Variants in NLRP11 observed in about 807,000 individuals in gnomAD.
The protein encoded by NLRP11 is NACHT, LRR and PYD domains-containing protein 11.
In NLRP11, 53 loss-of-function variants were observed where a neutral mutation model predicts 79.3. That is an observed-to-expected ratio of 0.67 (90% confidence interval 0.54 to 0.84). The LOEUF is 0.84. Ranked by LOEUF, NLRP11 falls within the 40% of genes least tolerant of loss-of-function variation. NLRP11 has a pLI of 0.00. For synonymous variants in NLRP11, 518 were observed against 462.6 expected (o/e 1.12, Z -1.54); for missense variants, 1,264 against 1,255.0 (o/e 1.01, Z -0.11).
intron 1 of NLRP11, among the ~76,000 whole-genome samples, chr19:55,821,205 T>TCACACA (rs950312294): frequency 6.8e-4 from 58 of 85,228 alleles, no homozygotes; most frequent in South Asian, 3.0e-3. Context: ...TCTCTCTCTC[T>TCACACA]CACACACACA....
intron 7 of NLRP11, 139 bp downstream of exon 7, chr19:55,792,162 C>T: frequency 1.4e-6 from 1 of 697,754 alleles, no homozygotes; most frequent in Non-Finnish European, 2.5e-6. Flanking sequence ...TTCATGTCGC[C>T]TATTCTGGGG....
At chr19:55,830,826 A>G (rs1032251537) in intron 1 of NLRP11, among the ~76,000 whole-genome samples, 1 of 152,256 alleles carries the variant, frequency 6.6e-6, no homozygotes, top group Non-Finnish European at 1.5e-5. Flanking sequence ...ACAGCATTGC[A>G]CGTCCCAAGT....
chr19:55,831,373 A>G (rs1015849655), intron 1 of NLRP11, among the ~76,000 whole-genome samples: 6 of 151,444 alleles, frequency 4.0e-5, no homozygotes, highest in Non-Finnish European at 7.4e-5. Context: ...ACCAGCCTAG[A>G]CAACATGGCG....
Position 55,809,657 on chromosome 19 carries a change from C to G in NLRP11, c.953G>C (p.Arg318Thr), listed in dbSNP as rs1266644252. ...TACAAGCTGGAGGGCTGCCGACGCC[C>G]TCTGGCGGTCTTTAAAGAAAGAGTT... Residue 318 changes from arginine (R) to threonine (T), a missense_variant, in exon 3 of 10, where the codon AGG becomes ACG. Coordinates refer to ENST00000589093, the Ensembl canonical transcript of NLRP11. The surrounding 1 kb of genome is among the most constrained non-coding windows in gnomAD (Gnocchi z 4.5). The G allele has an allele frequency of 1.2e-6, 2 of 1,613,936 alleles. No homozygotes were observed. Among genetic ancestry groups the G allele is most frequent in the Non-Finnish European group, 1.7e-6 (2 of 1,179,936 alleles).
At chr19:55,833,693 G>A (rs1185023917), upstream of NLRP11, among the ~76,000 whole-genome samples, 3 of 150,302 alleles carry the variant, frequency 2.0e-5, no homozygotes, top group Non-Finnish European at 4.4e-5. Flanking sequence ...ACTTGAGCCC[G>A]GGAGGAGGAG....
intron 1 of NLRP11, among the ~76,000 whole-genome samples, chr19:55,824,228 C>A (rs1333522692): frequency 1.4e-5 from 2 of 146,014 alleles, no homozygotes; most frequent in Non-Finnish European, 3.0e-5. Flanking sequence ...GATTTTGTCA[C>A]CACCAGGCCT....
At chr19:55,829,493 T>G (rs1259931804) in intron 1 of NLRP11, among the ~76,000 whole-genome samples, 1 of 151,628 alleles carries the variant, frequency 6.6e-6, no homozygotes, top group Non-Finnish European at 1.5e-5. Flanking sequence ...CAGTGAAGCC[T>G]TGTCTCTACT....
chr19:55,788,902 T>C, exon 9 of NLRP11: 1 of 1,613,998 alleles, frequency 6.2e-7, no homozygotes, highest in South Asian at 1.1e-5. Flanking sequence ...AGTTGAGTCT[T>C]TCTAGTGTTT....
chr19:55,801,643 G>A (rs775412440), exon 5 of NLRP11: 1 of 1,613,892 alleles, frequency 6.2e-7, no homozygotes, highest in Non-Finnish European at 8.5e-7. Context: ...TTAGGGAAAT[G>A]GACGTACAGT....
intron 5 of NLRP11, among the ~76,000 whole-genome samples, chr19:55,797,993 A>ATTTTTTTTTTTTTTTTT (rs200637929): frequency 7.3e-6 from 1 of 136,972 alleles, no homozygotes; most frequent in Non-Finnish European, 1.6e-5. Context: ...ATTCTATATT[A>ATTTTTTTTTTTTTTTTT]TTATTATTTT....
intron 1 of NLRP11, among the ~76,000 whole-genome samples, chr19:55,821,236 CACACACACA>C (rs1419848806): frequency 4.9e-5 from 6 of 122,370 alleles, no homozygotes; most frequent in Non-Finnish European, 9.7e-5. Flanking sequence ...CACACACACA[CACACACACA>C]CACACCCCAA....
At chr19:55,832,891 T>C (rs1311945784), upstream of NLRP11, 1 of 152,184 alleles carries the variant, frequency 6.6e-6, no homozygotes, top group Non-Finnish European at 1.5e-5. Flanking sequence ...ATAGTGCACC[T>C]GTTCACTGGG....
chr19:55,832,763 G>T (rs1018661366), upstream of NLRP11: 1 of 152,056 alleles, frequency 6.6e-6, no homozygotes, highest in Non-Finnish European at 1.5e-5. Context: ...CCCAGTAAAG[G>T]GTTCCAAAAA....
At chr19:55,789,094 C>G in intron 8 of NLRP11, 117 bp from the exon 9 acceptor site, 2 of 1,398,280 alleles carry the variant, frequency 1.4e-6, no homozygotes, top group Non-Finnish European at 9.9e-7. Context: ...AAAGAACTGA[C>G]TGTGCAATAA....
At chr19:55,810,523 T>G in intron 2 of NLRP11, among the ~76,000 whole-genome samples, 185 bp from the exon 3 acceptor site, 1 of 152,086 alleles carries the variant, frequency 6.6e-6, no homozygotes, top group East Asian at 1.9e-4. Flanking sequence ...TGAGATGGAG[T>G]TTTGCTCTTA....
At chr19:55,833,581 C>T (rs1273744044), upstream of NLRP11, among the ~76,000 whole-genome samples, 1 of 151,732 alleles carries the variant, frequency 6.6e-6, no homozygotes, top group African/African-American at 2.4e-5. Flanking sequence ...CTGGCTAACA[C>T]GGTGAAACCC....
chr19:55,796,190 A>T, exon 6 of NLRP11: 1 of 1,613,896 alleles, frequency 6.2e-7, no homozygotes, highest in South Asian at 1.1e-5. Flanking sequence ...GACTCCCGCC[A>T]CTGATGAGGA....
exon 6 of NLRP11, chr19:55,796,217 A>G (rs2616940): frequency 0.71 from 1,140,505 of 1,612,970 alleles, 406,276 homozygotes; most frequent in Admixed American, 0.76. Flanking sequence ...CGATTTCTTC[A>G]CATTCGCTGG....
chr19:55,809,454 C>T lies in NLRP11; in HGVS notation c.1156G>A (p.Ala386Thr), dbSNP rs376443103. ...AGGAGACCTAGGTGATACTGATTGG[C>T]AGTAAGTCCAGCCTCTGATGTCAAC... The change falls in exon 3 of 10, where the codon GCC becomes ACC. Residue 386 changes from alanine (A) to threonine (T), a missense_variant. Coordinates refer to ENST00000589093, the Ensembl canonical transcript of NLRP11. The surrounding 1 kb of genome is among the most constrained non-coding windows in gnomAD (Gnocchi z 4.5). 2.5e-6 allele frequency: 4 copies of T among 1,614,042 alleles called. No homozygotes were observed. Among genetic ancestry groups the T allele is most frequent in the Non-Finnish European group, 3.4e-6 (4 of 1,180,036 alleles).
Sources: allele counts gnomAD v4.1 joint callset (sites outside exome capture counted in the v4.1 genomes callset), GRCh38; gene constraint gnomAD v4.1.1; non-coding constraint Gnocchi (gnomAD v3.1); transcripts MANE v1.5; gene names NCBI Gene and HGNC (gene_info 2026-07-23, HGNC 2026-07-21).